The following MREG variants were observed in gnomAD, a reference collection of about 807,000 sequenced individuals.
The protein encoded by MREG is dilute suppressor protein homolog.
A neutral mutation model predicts 28.5 loss-of-function variants in MREG; 31 were observed. That is an observed-to-expected ratio of 1.09 (90% CI 0.82 to 1.47). The LOEUF is 1.47. MREG is among the 40% of genes most tolerant of loss of function. MREG has a pLI of 0.00. For missense variants in MREG, 256 were observed against 257.4 expected (o/e 0.99, Z 0.04); for synonymous variants, 106 against 95.2 (o/e 1.11, Z -0.66).
At chr2:215,977,673 A>G (rs2105997089) in intron 2 of MREG, among the ~76,000 whole-genome samples, 1 of 152,364 alleles carries the variant, frequency 6.6e-6, no homozygotes, top group Non-Finnish European at 1.5e-5. Flanking sequence ...AAATTATAAC[A>G]AACTGTCTCT....
intron 2 of MREG, among the ~76,000 whole-genome samples, chr2:215,950,712 A>C (rs2105969877): frequency 6.6e-6 from 1 of 152,330 alleles, no homozygotes; most frequent in African/African-American, 2.4e-5. Flanking sequence ...CAGGGTTTTA[A>C]CTAAGAATAG....
intron 2 of MREG, among the ~76,000 whole-genome samples, chr2:215,967,863 T>C (rs1559180383): frequency 3.3e-5 from 5 of 152,184 alleles, no homozygotes; most frequent in Admixed American, 2.6e-4. Context: ...AAGGGAAATG[T>C]AGCAGGAGGA....
rs56769261 is a variant in MREG at position 215,956,736 on chromosome 2, C to T, written c.256-9623G>A. ...TTTATTTTTTGTAGAGATGAGGTCTCACTATGTTACCCAGGCTAGTCTCAA... is the reference window on the plus strand; with the variant it reads ...TTTATTTTTTGTAGAGATGAGGTCTTACTATGTTACCCAGGCTAGTCTCAA... On this transcript the variant is annotated intron_variant, in intron 2 of 4. Coordinates refer to ENST00000263268, the MANE Select transcript of MREG (RefSeq NM_018000.3). Among the ~76,000 whole-genome samples, 1,313 of 152,246 alleles carry T rather than the reference C, an allele frequency of 8.6e-3. 17 individuals are homozygous for T. The highest frequency in any genetic ancestry group is 0.03 in the African/African-American group (1,255 of 41,550).
intron 2 of MREG, among the ~76,000 whole-genome samples, chr2:215,964,774 A>G (rs1692890130): frequency 6.6e-6 from 1 of 152,228 alleles, no homozygotes; most frequent in African/African-American, 2.4e-5. Context: ...GGATGTATCA[A>G]AGCATATAAA....
At position 215,945,706 on chromosome 2, in the gene MREG, C is replaced by T; in HGVS notation, c.375G>A (p.Leu125=). The stretch of plus-strand genomic sequence containing the variant: ...TGATGGTGCTGAGTTTAGTCACTGA[C>T]AACAAAGAGTCAGCTTCCTTTTGAA... ...LGFQKEADSL[L]SVTKLSTISD... Residue 125 remains leucine (L), a synonymous_variant, in exon 4 of 5, where the codon TTG becomes TTA. Transcript: ENST00000263268. 2 of 1,613,522 alleles carry T rather than the reference C, an allele frequency of 1.2e-6. No homozygotes were observed. Among genetic ancestry groups the T allele is most frequent in the Non-Finnish European group, 1.7e-6 (2 of 1,179,740 alleles).
intron 1 of MREG, among the ~76,000 whole-genome samples, chr2:216,026,737 C>T (rs1694601747): frequency 6.6e-6 from 1 of 152,128 alleles, no homozygotes; most frequent in African/African-American, 2.4e-5. Flanking sequence ...CACACACACA[C>T]TCAAACACAA....
chr2:216,004,030 G>A (rs1418253963), intron 1 of MREG, among the ~76,000 whole-genome samples: 3 of 152,190 alleles, frequency 2.0e-5, no homozygotes. Flanking sequence ...AAGTCCTGCA[G>A]TGGTCCCCAG....
chr2:215,989,939 T>C (rs1350612231), intron 2 of MREG, among the ~76,000 whole-genome samples: 1 of 151,984 alleles, frequency 6.6e-6, no homozygotes, highest in African/African-American at 2.4e-5. Flanking sequence ...CTGAAAGTGA[T>C]GGGGAGAGTG....
At chr2:215,979,139 A>C (rs1005156139) in intron 2 of MREG, among the ~76,000 whole-genome samples, 1 of 152,176 alleles carries the variant, frequency 6.6e-6, no homozygotes, top group African/African-American at 2.4e-5. Flanking sequence ...ACAAAGTTCT[A>C]TGTCTACAAG....
intron 2 of MREG, among the ~76,000 whole-genome samples, chr2:215,994,744 C>T (rs1156765538): frequency 2.0e-5 from 3 of 152,158 alleles, no homozygotes; most frequent in Non-Finnish European, 2.9e-5. Flanking sequence ...AGGGCTTTGT[C>T]GTCCATGTTC....
chr2:216,030,956 T>TCA (rs1219074422), intron 1 of MREG, among the ~76,000 whole-genome samples: 1,878 of 113,330 alleles, frequency 0.017, 18 homozygotes, highest in Middle Eastern at 0.037. Flanking sequence ...TCTCTCTCTC[T>TCA]CACACACACA....
intron 1 of MREG, among the ~76,000 whole-genome samples, chr2:216,030,473 T>C (rs771234249): frequency 1.3e-5 from 2 of 152,172 alleles, no homozygotes; most frequent in Non-Finnish European, 2.9e-5. Context: ...AGATAATGCA[T>C]GGAAAGGGCT....
intron 2 of MREG, among the ~76,000 whole-genome samples, chr2:215,961,883 A>G (rs3770530): frequency 0.52 from 79,627 of 152,002 alleles, 21,640 homozygotes; most frequent in Admixed American, 0.61. Context: ...CTGATACTTA[A>G]AAGATTAATA....
intron 1 of MREG, among the ~76,000 whole-genome samples, chr2:216,019,076 T>G (rs1378363132): frequency 2.6e-5 from 4 of 152,270 alleles, no homozygotes; most frequent in Non-Finnish European, 5.9e-5. Flanking sequence ...AGGCTTTAGA[T>G]GCTTAGAGCT....
At chr2:215,982,585 AG>A (rs1184867816) in intron 2 of MREG, among the ~76,000 whole-genome samples, 1 of 152,210 alleles carries the variant, frequency 6.6e-6, no homozygotes, top group Non-Finnish European at 1.5e-5. Context: ...CAGTTGACAC[AG>A]GGTGAGTAAT....
Position 215,942,854 on chromosome 2 carries a change from G to A in MREG, c.*2009C>T, listed in dbSNP as rs894107992. The A allele has an allele frequency of 6.6e-6, 1 of 152,480 alleles. No homozygotes were observed. Among genetic ancestry groups the A allele is most frequent in the Non-Finnish European group, 1.5e-5 (1 of 68,036 alleles). 9.4% of individuals were successfully genotyped at this position (152,480 alleles called of 1,614,324 possible). A position where few individuals can be genotyped will look rare whatever the true frequency, so the allele number is the denominator to read the frequency against. ...TTCACTGTTTGAATGTTTATCTTGC[G>A]AGAGTCTACAGAATTGAGAGAAAAT... is the stretch of plus-strand genomic sequence containing the variant. On this transcript the variant is annotated 3_prime_UTR_variant, in exon 5 of 5. Transcript: ENST00000263268.
chr2:216,014,831 C>CCCTCG (rs940406408), upstream of MREG, among the ~76,000 whole-genome samples: 185 of 152,254 alleles, frequency 1.2e-3, no homozygotes, highest in African/African-American at 4.1e-3. Flanking sequence ...CTTCCCTATA[C>CCCTCG]CCTCGCCAAA....
At chr2:215,968,681 CT>C (rs1693009694) in intron 2 of MREG, among the ~76,000 whole-genome samples, 1 of 152,164 alleles carries the variant, frequency 6.6e-6, no homozygotes, top group Non-Finnish European at 1.5e-5. Flanking sequence ...GAGCCCAGTC[CT>C]TTGAAAAACT....
intron 2 of MREG, among the ~76,000 whole-genome samples, chr2:215,960,202 G>A (rs553717207): frequency 2.6e-5 from 4 of 152,182 alleles, no homozygotes; most frequent in South Asian, 2.1e-4. Flanking sequence ...CGATCCGCCC[G>A]CCTTGGCCTC....
Sources: allele counts gnomAD v4.1 joint callset (sites outside exome capture counted in the v4.1 genomes callset), GRCh38; gene constraint gnomAD v4.1.1; transcripts MANE v1.5; gene names NCBI Gene and HGNC (gene_info 2026-07-23, HGNC 2026-07-21).